Variants in EPHA7 observed in about 807,000 individuals in gnomAD.
The protein encoded by EPHA7 is EPH receptor A7.
EPHA7 carries 25 observed loss-of-function variants against 112.6 expected under a neutral mutation model. The observed-to-expected ratio is 0.22, with a 90% CI of 0.16 to 0.31. EPHA7 has a LOEUF of 0.31. EPHA7 is among the 10% of genes least tolerant of loss of function. The pLI, the probability that EPHA7 is intolerant of heterozygous loss-of-function variation, is 1.00. For missense variants in EPHA7, 962 were observed against 1,212.6 expected (o/e 0.79, Z 3.07); for synonymous variants, 437 against 406.5 (o/e 1.07, Z -0.90).
chr6:93,388,495 T>G (rs1249476705), intron 3 of EPHA7, among the ~76,000 whole-genome samples: 2 of 152,146 alleles, frequency 1.3e-5, no homozygotes, highest in Non-Finnish European at 2.9e-5. Context: ...GCTCTTCTAT[T>G]TACTCATTAG....
intron 5 of EPHA7, among the ~76,000 whole-genome samples, chr6:93,322,567 C>T (rs2127886724): frequency 6.6e-6 from 1 of 151,592 alleles, no homozygotes; most frequent in South Asian, 2.1e-4. Context: ...TCCTAAGGAA[C>T]ATGCTCTTCC....
intron 5 of EPHA7, among the ~76,000 whole-genome samples, chr6:93,291,620 T>C (rs1222808425): frequency 6.7e-6 from 1 of 149,176 alleles, no homozygotes; most frequent in Non-Finnish European, 1.5e-5. Context: ...TACAAAAAAT[T>C]AGCCGGGCGT....
At position 93,263,851 on chromosome 6, in the gene EPHA7, A is replaced by G. The variant is rs345725; in HGVS notation, c.1798+9T>C. Reference sequence around the variant, plus strand: ...GGTACATCATAATAAAGAAAAGCCAAACACTTACAATGAAAGTAAAGCTCT... The same window carrying G: ...GGTACATCATAATAAAGAAAAGCCAGACACTTACAATGAAAGTAAAGCTCT... On this transcript the variant is annotated intron_variant, in intron 9 of 16. Transcript: ENST00000369303. The G allele has an allele frequency of 0.078, 125,947 of 1,607,030 alleles. 5,562 individuals are homozygous for G. Among genetic ancestry groups the G allele is most frequent in the Admixed American group, 0.13 (7,814 of 59,590 alleles).
rs1305662700 is a variant in EPHA7 at position 93,358,298 on chromosome 6, A to T, written c.946T>A (p.Tyr316Asn). ...GSSRCECEDGYYRAPSDPPYV... is the reference protein window; with the variant it reads ...GSSRCECEDGNYRAPSDPPYV... ...GGTGGGTCAGATGGAGCCCTGTAATACCCATCTTCACATTCACATCTGGAG... is the reference window on the plus strand; with the variant it reads ...GGTGGGTCAGATGGAGCCCTGTAATTCCCATCTTCACATTCACATCTGGAG... The change falls in exon 4 of 17, where the codon TAT becomes AAT. Residue 316 changes from tyrosine (Y) to asparagine (N), a missense_variant. By Grantham distance (143) the Tyr-to-Asn change is moderately radical (BLOSUM62 -2). Coordinates refer to ENST00000369303, the MANE Select transcript of EPHA7 (RefSeq NM_004440.4). 6.2e-7 allele frequency: 1 copy of T among 1,613,498 alleles called. No individual in the cohort carries two copies. The highest frequency in any genetic ancestry group is 1.7e-5 in the Admixed American group (1 of 59,922).
chr6:93,259,106 T>C (rs927317665), intron 10 of EPHA7, among the ~76,000 whole-genome samples: 1 of 152,038 alleles, frequency 6.6e-6, no homozygotes, highest in Non-Finnish European at 1.5e-5. Flanking sequence ...ATAAAGTAGC[T>C]TGTAGTAGAA....
Position 93,352,396 on chromosome 6 carries a change from G to A in EPHA7, c.1324+4321C>T, listed in dbSNP as rs375860055. ...ACCATGTTCTGATTACAGAAAAGGG[G>A]TAGTATTCTTCAGGGCCTAGAATAG... On this transcript the variant is annotated intron_variant, in intron 5 of 16. Transcript: ENST00000369303. Among the ~76,000 whole-genome samples, 24 of 152,190 alleles carry A rather than the reference G, an allele frequency of 1.6e-4. No individual in the cohort carries two copies. The South Asian group carries it at 3.3e-3, about 21-fold the overall frequency.
chr6:93,287,829 G>T (rs1008956653), intron 5 of EPHA7, among the ~76,000 whole-genome samples: 2 of 151,952 alleles, frequency 1.3e-5, no homozygotes, highest in African/African-American at 4.8e-5. Flanking sequence ...CATATGAAAA[G>T]ATGTTCATCA....
At chr6:93,389,526 T>C (rs1441941306) in intron 3 of EPHA7, among the ~76,000 whole-genome samples, 2 of 152,044 alleles carry the variant, frequency 1.3e-5, no homozygotes, top group Admixed American at 6.6e-5. Flanking sequence ...ATCTGAAATA[T>C]GTCTCAAAAA....
At chr6:93,249,425 T>G (rs1770108785) in intron 14 of EPHA7, among the ~76,000 whole-genome samples, 1 of 152,146 alleles carries the variant, frequency 6.6e-6, no homozygotes. Context: ...AAAGTTGGGT[T>G]AAATGATTTA....
At chr6:93,275,912 T>C (rs1177477153) in intron 5 of EPHA7, among the ~76,000 whole-genome samples, 7 of 151,966 alleles carry the variant, frequency 4.6e-5, no homozygotes, top group Non-Finnish European at 1.0e-4. Context: ...ACAAAACACG[T>C]ATTTAAATTA....
At position 93,257,494 on chromosome 6, in the gene EPHA7, T is replaced by C; in HGVS notation, c.2140A>G (p.Met714Val). 6.2e-7 allele frequency: 1 copy of C among 1,611,742 alleles called. No individual in the cohort carries two copies. The highest frequency in any genetic ancestry group is 1.3e-5 in the African/African-American group (1 of 74,896). The change falls in exon 12 of 17, where the codon ATG becomes GTG. Residue 714 changes from methionine to valine, a missense_variant. Physicochemically the swap from Met to Val is conservative, Grantham distance 21 (BLOSUM62 1). Coordinates refer to ENST00000369303, the MANE Select transcript of EPHA7 (RefSeq NM_004440.4). ...GKPVMIVIEF[M>V]ENGALDAFLR... ...AATGCATCTAGGGCTCCATTTTCCATGAACTCTATTACTATCATGACTGGT... is the reference window on the plus strand; with the variant it reads ...AATGCATCTAGGGCTCCATTTTCCACGAACTCTATTACTATCATGACTGGT...
Position 93,372,942 on chromosome 6 carries a change from A to G in EPHA7, c.833-14531T>C, listed in dbSNP as rs565177858. Among the ~76,000 whole-genome samples, 5 of 152,064 alleles carry G rather than the reference A, an allele frequency of 3.3e-5. No homozygotes were observed. In the South Asian group the frequency reaches 1.0e-3, roughly 31 times the overall value. On this transcript the variant is annotated intron_variant, in intron 3 of 16. Transcript: ENST00000369303. ...CCACTACCTTTTTAAACAAAATTAT[A>G]CTAAAAGGAGATGGAGAATTCTGAA...
intron 13 of EPHA7, 98 bp downstream of exon 13, chr6:93,255,730 C>A: frequency 9.2e-7 from 1 of 1,088,194 alleles, no homozygotes; most frequent in South Asian, 1.5e-5. Flanking sequence ...GCTCAATTTG[C>A]TTCATTTCTC....
intron 3 of EPHA7, among the ~76,000 whole-genome samples, chr6:93,383,852 T>C (rs1306169322): frequency 6.6e-6 from 1 of 152,118 alleles, no homozygotes; most frequent in African/African-American, 2.4e-5. Context: ...AGTGTCAGTG[T>C]GCCTGGTTAA....
Position 93,243,352 on chromosome 6 carries a change from A to C in EPHA7, c.*74T>G. 9.0e-7 allele frequency: 1 copy of C among 1,110,480 alleles called. No individual in the cohort carries two copies. The highest frequency in any genetic ancestry group is 1.4e-6 in the Non-Finnish European group (1 of 739,144). 68.8% of individuals were successfully genotyped at this position (1,110,480 alleles called of 1,614,324 possible). ...AGGACATCACTTGTCTTCTAGCAGC[A>C]TTCTATGCATATACTGAAGGCCAGT... On this transcript the variant is annotated 3_prime_UTR_variant, in exon 17 of 17. Coordinates refer to ENST00000369303, the MANE Select transcript of EPHA7 (RefSeq NM_004440.4).
At chr6:93,284,581 G>A (rs969570846) in intron 5 of EPHA7, among the ~76,000 whole-genome samples, 1 of 152,062 alleles carries the variant, frequency 6.6e-6, no homozygotes, top group African/African-American at 2.4e-5. Context: ...CAAAGTCATG[G>A]AACCAACCCA....
At chr6:93,413,737 ATT>A (rs1267886003) in intron 2 of EPHA7, among the ~76,000 whole-genome samples, 1 of 151,892 alleles carries the variant, frequency 6.6e-6, no homozygotes, top group Non-Finnish European at 1.5e-5. Flanking sequence ...TCTTAAACAG[ATT>A]TGTTTTGTTC....
At chr6:93,326,170 A>G (rs1774309971) in intron 5 of EPHA7, among the ~76,000 whole-genome samples, 1 of 151,442 alleles carries the variant, frequency 6.6e-6, no homozygotes, top group Non-Finnish European at 1.5e-5. Context: ...TAAAAAGGAA[A>G]GAGATTAAAA....
intron 5 of EPHA7, among the ~76,000 whole-genome samples, chr6:93,316,129 T>C (rs1046888134): frequency 2.0e-5 from 3 of 152,142 alleles, no homozygotes; most frequent in South Asian, 4.1e-4. Flanking sequence ...GCTGTAGTTA[T>C]AATAATAACA....
Sources: gnomAD v4.1 joint callset for allele counts (sites outside exome capture counted in the v4.1 genomes callset) on GRCh38, gnomAD v4.1.1 for gene constraint, MANE v1.5 for transcripts, NCBI Gene and HGNC (gene_info 2026-07-23, HGNC 2026-07-21) for gene names.